The following PLCB1 variants were observed in gnomAD, a reference collection of about 807,000 sequenced individuals.
PLCB1 encodes the protein phospholipase C beta 1, also known as 1-phosphatidylinositol 4,5-bisphosphate phosphodiesterase beta-1.
A neutral mutation model predicts 161.8 loss-of-function variants in PLCB1; 46 were observed. The ratio of observed to expected loss-of-function variants is 0.28; its 90% CI spans 0.22 to 0.36. The LOEUF is 0.36. Ranked by LOEUF, PLCB1 falls within the 10% of genes least tolerant of loss-of-function variation. The pLI, the probability that PLCB1 is intolerant of heterozygous loss-of-function variation, is 1.00. For synonymous variants in PLCB1, 517 were observed against 503.7 expected (o/e 1.03, Z -0.35); for missense variants, 1,016 against 1,472.5 (o/e 0.69, Z 5.07).
chr20:8,358,093 C>T (rs1448119169), intron 2 of PLCB1, among the ~76,000 whole-genome samples: 1 of 133,262 alleles, frequency 7.5e-6, no homozygotes, highest in African/African-American at 3.3e-5. Flanking sequence ...CCTCTTGTCC[C>T]TTTCCCAGTT....
At chr20:8,244,920 A>C (rs1477565186) in intron 2 of PLCB1, among the ~76,000 whole-genome samples, 3 of 151,810 alleles carry the variant, frequency 2.0e-5, no homozygotes, top group Non-Finnish European at 2.9e-5. Context: ...TATTGCAAAA[A>C]AGGAAATTTG....
chr20:8,441,227 G>C (rs6086449), intron 3 of PLCB1, among the ~76,000 whole-genome samples: 1 of 152,102 alleles, frequency 6.6e-6, no homozygotes, highest in Non-Finnish European at 1.5e-5. Flanking sequence ...ATTGGCATTA[G>C]GCATCTATGG....
intron 31 of PLCB1, among the ~76,000 whole-genome samples, chr20:8,854,774 G>C (rs895405173): frequency 2.0e-5 from 3 of 152,182 alleles, no homozygotes; most frequent in Non-Finnish European, 2.9e-5. Flanking sequence ...CGACAAACTC[G>C]GCAAGGAGCC....
At chr20:8,455,651 ATTC>A (rs11469540) in intron 3 of PLCB1, among the ~76,000 whole-genome samples, 1,667 of 151,988 alleles carry the variant, frequency 0.011, 31 homozygotes, top group African/African-American at 0.038. Flanking sequence ...CATGTTAAGT[ATTC>A]TTCCTCTTCT....
rs541733076 is a variant in PLCB1 at position 8,383,395 on chromosome 20, T to G, written c.246+11945T>G. Among the ~76,000 whole-genome samples, 12 of 152,352 alleles carry G rather than the reference T, an allele frequency of 7.9e-5. No individual in the cohort carries two copies. In the South Asian group the frequency reaches 1.7e-3, roughly 21 times the overall value. The stretch of plus-strand genomic sequence containing the variant: ...TGGCTTCCATTTGCTTGGTAAATTT[T>G]CCTCCATCACTTTATTTTGAGCCTA... On this transcript the variant is annotated intron_variant, in intron 3 of 31. Transcript: ENST00000338037.
chr20:8,575,488 T>C (rs1291583107), intron 3 of PLCB1, among the ~76,000 whole-genome samples: 2 of 152,224 alleles, frequency 1.3e-5, no homozygotes, highest in Admixed American at 6.5e-5. Context: ...AGGAGCATCA[T>C]GCGAAGTGGA....
At chr20:8,272,257 A>G (rs1156279377) in intron 2 of PLCB1, among the ~76,000 whole-genome samples, 4 of 152,124 alleles carry the variant, frequency 2.6e-5, no homozygotes, top group Non-Finnish European at 5.9e-5. Context: ...TATTAGGTGA[A>G]TAGAGAGCAT....
chr20:8,774,372 T>A (rs1350299956), intron 26 of PLCB1, among the ~76,000 whole-genome samples, 167 bp from the exon 27 acceptor site: 1 of 152,208 alleles, frequency 6.6e-6, no homozygotes, highest in Non-Finnish European at 1.5e-5. Context: ...TTGGAGACAC[T>A]CTATTGCTAA....
At chr20:8,198,919 G>A (rs1032862465) in intron 2 of PLCB1, among the ~76,000 whole-genome samples, 6 of 151,768 alleles carry the variant, frequency 4.0e-5, no homozygotes, top group Non-Finnish European at 8.8e-5. Flanking sequence ...AAGAGGGAGA[G>A]AGAGAAAGAC....
At chr20:8,689,075 A>G (rs1028373189) in intron 10 of PLCB1, among the ~76,000 whole-genome samples, 2 of 99,404 alleles carry the variant, frequency 2.0e-5, no homozygotes, top group Non-Finnish European at 3.9e-5. Context: ...TTTTAGGTAT[A>G]TTCCTCAGTA....
At chr20:8,199,755 C>A (rs1276911142) in intron 2 of PLCB1, among the ~76,000 whole-genome samples, 1 of 152,040 alleles carries the variant, frequency 6.6e-6, no homozygotes, top group Non-Finnish European at 1.5e-5. Flanking sequence ...AAATAAACTA[C>A]ATAATGAAGA....
chr20:8,384,390 C>T (rs1320157773), intron 3 of PLCB1, among the ~76,000 whole-genome samples: 3 of 152,012 alleles, frequency 2.0e-5, no homozygotes, highest in African/African-American at 7.2e-5. Context: ...TTATGTTCCT[C>T]TCTAAACTGG....
chr20:8,175,520 G>A (rs760637456), intron 2 of PLCB1, among the ~76,000 whole-genome samples: 8 of 151,912 alleles, frequency 5.3e-5, no homozygotes, highest in Non-Finnish European at 1.0e-4. Flanking sequence ...ATATAAAAAT[G>A]AATTCAAATA....
intron 3 of PLCB1, among the ~76,000 whole-genome samples, chr20:8,402,836 C>T (rs996728594): frequency 3.3e-5 from 5 of 151,930 alleles, no homozygotes; most frequent in South Asian, 2.1e-4. Context: ...CAGAGCAAGA[C>T]TCCATCTCAA....
At chr20:8,480,974 C>T (rs1042250542) in intron 3 of PLCB1, among the ~76,000 whole-genome samples, 53 of 151,960 alleles carry the variant, frequency 3.5e-4, no homozygotes, top group African/African-American at 1.2e-3. Flanking sequence ...CGTGGTGGTG[C>T]GTACCTGTAG....
chr20:8,537,626 G>C (rs1189405179), intron 3 of PLCB1, among the ~76,000 whole-genome samples: 1 of 152,042 alleles, frequency 6.6e-6, no homozygotes, highest in East Asian at 1.9e-4. Flanking sequence ...AACACCATGT[G>C]TAACACCATG....
At position 8,832,043 on chromosome 20, in the gene PLCB1, C is replaced by T. The variant is rs1293003908; in HGVS notation, c.3423+41782C>T. 1.3e-5 allele frequency among the ~76,000 whole-genome samples: 2 copies of T among 150,090 alleles called. 1 individual carries two copies. On this transcript the variant is annotated intron_variant, in intron 31 of 31. Transcript: ENST00000338037. The stretch of plus-strand genomic sequence containing the variant: ...TTGCTCCTTGTGTAGCAGGGCTATC[C>T]CATAGGCAGGGTGCCCAGGGTAGTG...
chr20:8,730,677 T>G (rs1980192982), intron 18 of PLCB1, among the ~76,000 whole-genome samples: 1 of 151,762 alleles, frequency 6.6e-6, no homozygotes, highest in Non-Finnish European at 1.5e-5. Context: ...TAAATTTATC[T>G]GACAAAAACT....
At chr20:8,377,118 G>C (rs1568653096) in intron 3 of PLCB1, among the ~76,000 whole-genome samples, 1 of 152,090 alleles carries the variant, frequency 6.6e-6, no homozygotes, top group Non-Finnish European at 1.5e-5. Context: ...TCATGGGGTA[G>C]GGGAAACAGA....
Sources: gnomAD v4.1 joint callset for allele counts (sites outside exome capture counted in the v4.1 genomes callset) on GRCh38, gnomAD v4.1.1 for gene constraint, MANE v1.5 for transcripts, NCBI Gene and HGNC (gene_info 2026-07-23, HGNC 2026-07-21) for gene names.